Variants in HDAC8 observed in about 807,000 individuals in gnomAD.
The protein encoded by HDAC8 is histone deacetylase-like 1.
Under a neutral mutation model 32.2 loss-of-function variants are expected in HDAC8, and 1 was observed. The observed-to-expected ratio is 0.03, with a 90% CI of 0.01 to 0.15. The LOEUF (loss-of-function observed/expected upper bound fraction) is 0.15. Among genes scored for constraint, HDAC8 ranks in the 10% least tolerant of loss-of-function variants. The probability of loss-of-function intolerance (pLI) is 1.00; values close to 1 mark genes in which losing one functional copy is unlikely to be tolerated. For synonymous variants in HDAC8, 108 were observed against 113.9 expected, an observed-to-expected ratio of 0.95 and a Z score of 0.33; for missense variants, 117 against 300.0, an observed-to-expected ratio of 0.39 and a Z score of 4.51.
intron 7 of HDAC8, chrX:72,474,361 T>C: frequency 1.2e-6 from 1 of 816,015 alleles, no homozygotes; most frequent in Non-Finnish European, 1.5e-6. Context: ...ACTTTATACA[T>C]AGTAGGCATT....
intron 4 of HDAC8, among the ~76,000 whole-genome samples, chrX:72,560,834 T>A (rs2051534676): frequency 9.1e-6 from 1 of 110,164 alleles, no homozygotes; most frequent in African/African-American, 3.3e-5. Context: ...TACACTTATG[T>A]GGTGAATTGC....
intron 4 of HDAC8, among the ~76,000 whole-genome samples, chrX:72,530,367 T>C (rs1418611771): frequency 9.0e-6 from 1 of 111,250 alleles, no homozygotes. Context: ...AAATAAGATA[T>C]AGCTTCCTTC....
chrX:72,550,297 C>G (rs2051021786), intron 4 of HDAC8, among the ~76,000 whole-genome samples: 1 of 110,439 alleles, frequency 9.1e-6, no homozygotes, highest in Admixed American at 9.7e-5. Context: ...TCTATAGGAA[C>G]CTATGGTTCC....
chrX:72,405,674 C>G (rs2147885171), intron 9 of HDAC8, among the ~76,000 whole-genome samples: 1 of 112,194 alleles, frequency 8.9e-6, no homozygotes, highest in Admixed American at 9.4e-5. Flanking sequence ...TTTTTTCTTT[C>G]TAGAATTCTA....
At position 72,330,088 on chromosome X, in the gene HDAC8, G is replaced by A; in HGVS notation, c.1112-12C>T. ...ATGCTTCAGATTCCCTGCAAACAGG[G>A]GAGAAAACAAAATTCAAAGTCAGGT... is the stretch of plus-strand genomic sequence containing the variant. On this transcript the variant is annotated splice_polypyrimidine_tract_variant and intron_variant, in intron 10 of 10. Coordinates refer to ENST00000373573, the MANE Select transcript of HDAC8 (RefSeq NM_018486.3). 1 of 1,198,220 alleles carries A rather than the reference G, an allele frequency of 8.3e-7. No homozygotes were observed.
chrX:72,461,496 C>T (rs782595897), intron 9 of HDAC8, among the ~76,000 whole-genome samples: 5 of 111,839 alleles, frequency 4.5e-5, no homozygotes, highest in African/African-American at 1.6e-4. Context: ...CCTCTGTGTG[C>T]CACTAATTGC....
chrX:72,481,079 A>G (rs1293678572), intron 7 of HDAC8, among the ~76,000 whole-genome samples: 1 of 110,758 alleles, frequency 9.0e-6, no homozygotes, highest in African/African-American at 3.3e-5. Flanking sequence ...AAAAAAAAAG[A>G]CTAGGTAATT....
intron 4 of HDAC8, among the ~76,000 whole-genome samples, chrX:72,507,482 G>T (rs2049433308): frequency 8.9e-6 from 1 of 111,778 alleles, no homozygotes; most frequent in African/African-American, 3.3e-5. Context: ...CCAGGAAAAG[G>T]TTAACCACAA....
intron 7 of HDAC8, 59 bp from the exon 8 acceptor site, chrX:72,464,790 T>C (rs1602975970): frequency 1.2e-6 from 1 of 834,521 alleles, no homozygotes; most frequent in Non-Finnish European, 1.8e-6. Context: ...GTAGTGGTGG[T>C]GGTAGGGCAA....
intron 9 of HDAC8, among the ~76,000 whole-genome samples, chrX:72,396,238 A>T (rs781937756): frequency 1.1e-4 from 12 of 112,505 alleles, no homozygotes; most frequent in African/African-American, 3.5e-4. Flanking sequence ...GGCTATTTCA[A>T]TTGCTATCCC....
intron 9 of HDAC8, among the ~76,000 whole-genome samples, chrX:72,373,746 A>G (rs372770069): frequency 2.7e-5 from 3 of 112,040 alleles, no homozygotes; most frequent in African/African-American, 9.7e-5. Context: ...TGGCAACTCT[A>G]TTTAACTTTT....
chrX:72,398,753 C>CT (rs1273759169), intron 9 of HDAC8, among the ~76,000 whole-genome samples: 1 of 106,473 alleles, frequency 9.4e-6, no homozygotes, highest in African/African-American at 3.4e-5. Context: ...GTTTTTTTTT[C>CT]TTTTTTTTCT....
At chrX:72,555,694 G>T (rs1348800208) in intron 4 of HDAC8, among the ~76,000 whole-genome samples, 1 of 112,537 alleles carries the variant, frequency 8.9e-6, no homozygotes, top group African/African-American at 3.2e-5. Context: ...AACCCAATCT[G>T]TCAAACACAA....
At chrX:72,380,027 C>G (rs2045223689) in intron 9 of HDAC8, among the ~76,000 whole-genome samples, 1 of 111,227 alleles carries the variant, frequency 9.0e-6, no homozygotes, top group African/African-American at 3.3e-5. Flanking sequence ...GAAGTTCAGC[C>G]ATAGGTGAGA....
At chrX:72,571,553 C>CTTTTTTTTTTTTTTTTTTTTT (rs782331910) in intron 2 of HDAC8, among the ~76,000 whole-genome samples, 8 of 30,444 alleles carry the variant, frequency 2.6e-4, no homozygotes, top group South Asian at 4.3e-3. Context: ...TTCTTTCTTT[C>CTTTTTTTTTTTTTTTTTTTTT]TTTTTTTTTT....
Position 72,562,734 on chromosome X carries a change from T to G in HDAC8, c.437+5155A>C, listed in dbSNP as rs1161556200. Among the ~76,000 whole-genome samples, 4 of 110,571 alleles carry G rather than the reference T, an allele frequency of 3.6e-5. No homozygotes were observed. In the Admixed American group the frequency reaches 3.8e-4, roughly 11 times the overall value. On this transcript the variant is annotated intron_variant, in intron 4 of 10. Transcript: ENST00000373573. Reference sequence around the variant, plus strand: ...GAAAATTAAATTAAAAAATAAAAAATAATATTTGGGAGAAAAAATAATTCT... The same window carrying G: ...GAAAATTAAATTAAAAAATAAAAAAGAATATTTGGGAGAAAAAATAATTCT...
At chrX:72,390,068 A>G (rs782292626) in intron 9 of HDAC8, among the ~76,000 whole-genome samples, 5 of 111,540 alleles carry the variant, frequency 4.5e-5, no homozygotes, top group Non-Finnish European at 9.4e-5. Context: ...ACATACACAT[A>G]TTTGTGGAGT....
rs782559607 is a variant in HDAC8, at chrX:72,572,750, C to T, written c.12G>A (p.Pro4=). 2 of 1,209,514 alleles carry T rather than the reference C, an allele frequency of 1.7e-6. No homozygotes were observed. Among genetic ancestry groups the T allele is most frequent in the Non-Finnish European group, 2.2e-6 (2 of 893,617 alleles). MEE[P]EEPADSGQSL... The stretch of plus-strand genomic sequence containing the variant: ...ACTGCCCACTGTCCGCCGGTTCCTC[C>T]GGCTCCTCCATCTTCCGCTTAAAAC... Residue 4 remains proline, a synonymous_variant, in exon 1 of 11, where the codon CCG becomes CCA. Coordinates refer to ENST00000373573, the MANE Select transcript of HDAC8 (RefSeq NM_018486.3).
chrX:72,387,138 C>G (rs1555961750), intron 9 of HDAC8, among the ~76,000 whole-genome samples: 1 of 112,586 alleles, frequency 8.9e-6, no homozygotes, highest in South Asian at 3.7e-4. Flanking sequence ...AGAGGGCACA[C>G]ACTCAATTTA....
Sources: gnomAD v4.1 joint callset for allele counts (sites outside exome capture counted in the v4.1 genomes callset) on GRCh38, gnomAD v4.1.1 for gene constraint, MANE v1.5 for transcripts, NCBI Gene and HGNC (gene_info 2026-07-23, HGNC 2026-07-21) for gene names.